Variants in GALNT13 observed in about 807,000 individuals in gnomAD.
The protein encoded by GALNT13 is UDP-GalNAc:polypeptide N-acetylgalactosaminyltransferase 13.
In GALNT13, 28 loss-of-function variants were observed where a neutral mutation model predicts 64.2. That is an observed-to-expected ratio of 0.44 (90% CI 0.32 to 0.60). GALNT13 has a LOEUF of 0.60. GALNT13 is among the 20% of genes least tolerant of loss of function. The pLI, the probability that GALNT13 is intolerant of heterozygous loss-of-function variation, is 0.05. For synonymous variants in GALNT13, 214 were observed against 224.6 expected (o/e 0.95, Z 0.42); for missense variants, 577 against 669.8 (o/e 0.86, Z 1.53).
chr2:153,213,698 TTCAG>T, the GALNT13 span, among the ~76,000 whole-genome samples: 2 of 152,148 alleles, frequency 1.3e-5, no homozygotes, highest in African/African-American at 2.4e-5. Context: ...GCCATCTGAT[TTCAG>T]TCAGTTTTTT....
At chr2:153,676,750 C>A in the GALNT13 span, among the ~76,000 whole-genome samples, 2 of 152,112 alleles carry the variant, frequency 1.3e-5, no homozygotes, top group Non-Finnish European at 2.9e-5. Flanking sequence ...TGTGATTCAT[C>A]ACATAAACAG....
the GALNT13 span, among the ~76,000 whole-genome samples, chr2:153,647,311 ATTTGTT>A: frequency 6.6e-6 from 1 of 151,386 alleles, no homozygotes; most frequent in South Asian, 2.1e-4. Flanking sequence ...TGATGGGGTT[ATTTGTT>A]TTTTTTCTTG....
chr2:153,785,235 G>A, the GALNT13 span, among the ~76,000 whole-genome samples: 5 of 152,168 alleles, frequency 3.3e-5, no homozygotes, highest in Admixed American at 3.3e-4. Context: ...AAAGTGACCA[G>A]ACTGCTTTTT....
intron 2 of GALNT13, among the ~76,000 whole-genome samples, chr2:153,917,352 A>T (rs1306847957): frequency 6.6e-6 from 1 of 152,122 alleles, no homozygotes; most frequent in Non-Finnish European, 1.5e-5. Flanking sequence ...GGTAATATAG[A>T]ATCAGGAACA....
chr2:153,566,450 G>C, the GALNT13 span, among the ~76,000 whole-genome samples: 9 of 144,320 alleles, frequency 6.2e-5, no homozygotes, highest in South Asian at 2.2e-4. Flanking sequence ...TGCCTCCCAG[G>C]TTCATGCCAT....
At chr2:154,134,169 C>G (rs752303228) in intron 3 of GALNT13, among the ~76,000 whole-genome samples, 14 of 152,106 alleles carry the variant, frequency 9.2e-5, no homozygotes, top group Non-Finnish European at 1.3e-4. Flanking sequence ...GGAACAACAA[C>G]TACATTAGTT....
chr2:154,352,770 T>A (rs1451130596), intron 9 of GALNT13, among the ~76,000 whole-genome samples: 1 of 152,192 alleles, frequency 6.6e-6, no homozygotes, highest in African/African-American at 2.4e-5. Flanking sequence ...GCCTCCCACT[T>A]AGGGTACCTA....
At chr2:153,602,173 A>G in the GALNT13 span, among the ~76,000 whole-genome samples, 2,053 of 152,000 alleles carry the variant, frequency 0.014, 49 homozygotes, top group African/African-American at 0.047. Context: ...CACATGGATC[A>G]TGCTTTATGT....
At chr2:153,768,576 A>C in the GALNT13 span, among the ~76,000 whole-genome samples, 1 of 152,140 alleles carries the variant, frequency 6.6e-6, no homozygotes, top group Admixed American at 6.5e-5. Context: ...CTATTATTTA[A>C]AATCTGGGAC....
chr2:154,292,782 T>G (rs1004895708), intron 8 of GALNT13, among the ~76,000 whole-genome samples: 3 of 152,214 alleles, frequency 2.0e-5, no homozygotes, highest in Non-Finnish European at 4.4e-5. Flanking sequence ...AACAAGCAGC[T>G]GCATGAATTT....
chr2:154,286,973 A>G, intron 8 of GALNT13: 1 of 560,616 alleles, frequency 1.8e-6, no homozygotes, highest in Non-Finnish European at 3.3e-6. Context: ...AAGACCCTCA[A>G]GTCAGTGGTG....
intron 3 of GALNT13, among the ~76,000 whole-genome samples, chr2:154,014,853 G>A (rs2105259505): frequency 1.3e-5 from 2 of 151,566 alleles, no homozygotes; most frequent in South Asian, 2.1e-4. Flanking sequence ...GGATGGTCTC[G>A]ATCTCCTGAC....
intron 9 of GALNT13, among the ~76,000 whole-genome samples, chr2:154,378,087 C>T (rs763678565): frequency 8.5e-5 from 13 of 152,090 alleles, no homozygotes; most frequent in Non-Finnish European, 1.8e-4. Context: ...GCTCAGATTT[C>T]AGACCCACAG....
the GALNT13 span, among the ~76,000 whole-genome samples, chr2:153,424,428 T>G: frequency 2.0e-5 from 3 of 151,756 alleles, no homozygotes; most frequent in Non-Finnish European, 4.4e-5. Flanking sequence ...TGCAAATAAT[T>G]TCTTCCAAAC....
At chr2:154,390,322 A>C (rs1296885745) in intron 9 of GALNT13, among the ~76,000 whole-genome samples, 1 of 152,136 alleles carries the variant, frequency 6.6e-6, no homozygotes, top group Non-Finnish European at 1.5e-5. Context: ...TTATTTTATC[A>C]CCTGGGTATT....
chr2:153,222,307 T>TGGGGGGGGGGGGGGGGGGGGGG, the GALNT13 span, among the ~76,000 whole-genome samples: 1 of 6,322 alleles, frequency 1.6e-4, no homozygotes, highest in Non-Finnish European at 5.8e-4. Context: ...TGAGTCTGGC[T>TGGGGGGGGGGGGGGGGGGGGGG]GGGGGGGGGG....
intron 9 of GALNT13, among the ~76,000 whole-genome samples, chr2:154,327,611 T>A (rs1694947915): frequency 6.6e-6 from 1 of 152,126 alleles, no homozygotes; most frequent in Admixed American, 6.6e-5. Flanking sequence ...TAATACATTC[T>A]GAAGCCTGTC....
At chr2:153,387,965 T>A in the GALNT13 span, among the ~76,000 whole-genome samples, 1 of 148,810 alleles carries the variant, frequency 6.7e-6, no homozygotes, top group Non-Finnish European at 1.5e-5. Context: ...AAATCCCTTC[T>A]AATAGGCATG....
chr2:153,473,549 C>G, the GALNT13 span, among the ~76,000 whole-genome samples: 2 of 152,138 alleles, frequency 1.3e-5, no homozygotes, highest in Non-Finnish European at 2.9e-5. Context: ...AAACATATCC[C>G]ATTTGAGCTA....
Sources: gnomAD v4.1 joint callset for allele counts (sites outside exome capture counted in the v4.1 genomes callset) on GRCh38, gnomAD v4.1.1 for gene constraint, MANE v1.5 for transcripts, NCBI Gene and HGNC (gene_info 2026-07-23, HGNC 2026-07-21) for gene names.